Variants in COL6A2 observed in about 807,000 individuals in gnomAD.
The protein encoded by COL6A2 is collagen alpha-2(VI) chain.
A neutral mutation model predicts 124.9 loss-of-function variants in COL6A2; 90 were observed. That is an observed-to-expected ratio of 0.72 (90% CI 0.61 to 0.86). The LOEUF (loss-of-function observed/expected upper bound fraction) is 0.86. Among genes scored for constraint, COL6A2 ranks in the 40% least tolerant of loss-of-function variants. The pLI, the probability that COL6A2 is intolerant of heterozygous loss-of-function variation, is 0.00. For missense variants in COL6A2, 1,607 were observed against 1,502.5 expected, an observed-to-expected ratio of 1.07 and a Z score of -1.15; for synonymous variants, 793 against 618.2, an observed-to-expected ratio of 1.28 and a Z score of -4.19.
At chr21:46,130,323 C>T (rs2123682682) in intron 27 of COL6A2, among the ~76,000 whole-genome samples, 1 of 152,338 alleles carries the variant, frequency 6.6e-6, no homozygotes, top group East Asian at 1.9e-4. Flanking sequence ...CAGAGAATCC[C>T]AGGGTCCACA....
At chr21:46,105,580 GGGTT>G (rs1013592175) in intron 1 of COL6A2, among the ~76,000 whole-genome samples, 4 of 152,134 alleles carry the variant, frequency 2.6e-5, no homozygotes, top group African/African-American at 9.7e-5. Context: ...ATAACTAAAA[GGGTT>G]GGGGACAGAG....
At position 46,126,100 on chromosome 21, in the gene COL6A2, T is replaced by C. The variant is rs765340743; in HGVS notation, c.2285T>C (p.Met762Thr). 1.9e-6 allele frequency: 3 copies of C among 1,612,788 alleles called. No homozygotes were observed. The highest frequency in any genetic ancestry group is 1.1e-5 in the South Asian group (1 of 91,082). Residue 762 changes from methionine to threonine, a missense_variant, in exon 26 of 28, where the codon ATG (methionine) becomes ACG (threonine). Physicochemically the swap from Met to Thr is moderately conservative, Grantham distance 81. Around this residue, in one of 3 missense-constraint regions of COL6A2, gnomAD observed 1,223 missense variants for 1,052.2 expected, o/e 1.16. Transcript: ENST00000300527. ...VTVTAIGIGD[M>T]FHEKHESENL... ...GTGACGGCCATCGGCATCGGGGACA[T>C]GTTCCACGAGAAGCACGAGAGTGAA... is the stretch of plus-strand genomic sequence containing the variant.
At chr21:46,112,973 A>G (rs1340348346) in intron 4 of COL6A2, 149 bp downstream of exon 4, 1 of 1,019,308 alleles carries the variant, frequency 9.8e-7, no homozygotes, top group Non-Finnish European at 1.5e-6. Context: ...GAGGCCTTGG[A>G]GTCTGGAGAA....
chr21:46,129,651 C>A, intron 27 of COL6A2: 1 of 1,424,908 alleles, frequency 7.0e-7, no homozygotes, highest in Non-Finnish European at 9.1e-7. Context: ...CCAGCCTCTT[C>A]CCATGCTGGT....
chr21:46,130,310 G>A (rs2078744473), intron 27 of COL6A2, among the ~76,000 whole-genome samples: 2 of 152,262 alleles, frequency 1.3e-5, no homozygotes, highest in South Asian at 4.1e-4. Flanking sequence ...TCAGAGGACT[G>A]AGCAGAGAAT....
rs773192159 is a variant in COL6A2 at position 46,132,582 on chromosome 21, T to C, written c.*30T>C. 1.3e-6 allele frequency: 2 copies of C among 1,561,196 alleles called. No individual in the cohort carries two copies. Among genetic ancestry groups the C allele is most frequent in the Non-Finnish European group, 1.7e-6 (2 of 1,158,196 alleles). On this transcript the variant is annotated 3_prime_UTR_variant, in exon 28 of 28. Transcript: ENST00000300527. ...GCCGCCCGGGCCCCGCAGTCGAGGG[T>C]CGTGAGCCCACCCCGTCCATGGTGC...
intron 26 of COL6A2, 102 bp downstream of exon 26, chr21:46,126,339 A>G (rs556063656): frequency 5.9e-6 from 9 of 1,516,726 alleles, no homozygotes; most frequent in Admixed American, 1.7e-5. Context: ...ATGAATGTGC[A>G]GCCCAGGATC....
chr21:46,129,178 C>G, intron 27 of COL6A2: 1 of 1,612,824 alleles, frequency 6.2e-7, no homozygotes, highest in East Asian at 2.2e-5. Context: ...ACAGTCTTCT[C>G]TGGACGCTCC....
chr21:46,120,493 G>A (rs912198007), intron 15 of COL6A2, 22 bp from the exon 16 acceptor site: 13 of 1,530,148 alleles, frequency 8.5e-6, no homozygotes, highest in Non-Finnish European at 1.1e-5. Context: ...AGACCCGTGG[G>A]GCCTCCCTTC....
At chr21:46,129,957 G>A (rs909468513) in intron 27 of COL6A2, 9 of 605,706 alleles carry the variant, frequency 1.5e-5, no homozygotes, top group Admixed American at 5.9e-5. Context: ...GGTGCTGGAG[G>A]ATGTTCCAGC....
At chr21:46,102,260 C>G (rs1458154180) in intron 1 of COL6A2, among the ~76,000 whole-genome samples, 1 of 151,996 alleles carries the variant, frequency 6.6e-6, no homozygotes, top group Admixed American at 6.6e-5. Flanking sequence ...TGCTATTTTG[C>G]TGAATTTGTT....
At chr21:46,118,876 G>A (rs2078517464) in intron 13 of COL6A2, among the ~76,000 whole-genome samples, 154 bp from the exon 14 acceptor site, 1 of 152,194 alleles carries the variant, frequency 6.6e-6, no homozygotes, top group Non-Finnish European at 1.5e-5. Flanking sequence ...TCACGAGGCT[G>A]AACAAGTTCC....
intron 12 of COL6A2, among the ~76,000 whole-genome samples, chr21:46,118,265 G>A (rs578076460): frequency 1.8e-4 from 28 of 152,222 alleles, no homozygotes; most frequent in South Asian, 6.2e-4. Context: ...CTCCTGGGCC[G>A]CCTGCAGTGT....
At chr21:46,121,487 T>C (rs2123646367) in intron 17 of COL6A2, 69 bp from the exon 18 acceptor site, 3 of 1,480,272 alleles carry the variant, frequency 2.0e-6, no homozygotes, top group Admixed American at 3.4e-5. Context: ...GGACGGGGCA[T>C]GTCAGGTGAC....
chr21:46,116,786 C>G lies in COL6A2; in HGVS notation c.971C>G (p.Ala324Gly), dbSNP rs886043229. 3.1e-6 allele frequency: 5 copies of G among 1,613,054 alleles called. No homozygotes were observed. The South Asian group carries it at 5.5e-5, about 18-fold the overall frequency. Reference sequence around the variant, plus strand: ...TCTCTTCAGGGGGCCCCTGGCCTGGCTGGCAAGAACGGGACCGATGGACAG... The same window carrying G: ...TCTCTTCAGGGGGCCCCTGGCCTGGGTGGCAAGAACGGGACCGATGGACAG... Reference protein sequence around the residue: ...ADGRKGAPGLAGKNGTDGQKG... With the variant: ...ADGRKGAPGLGGKNGTDGQKG... Residue 324 changes from alanine to glycine, a missense_variant, in exon 10 of 28, where the codon GCT becomes GGT. Transcript: ENST00000300527. The surrounding 1 kb of genome is among the most constrained non-coding windows in gnomAD (Gnocchi z 4.6).
At chr21:46,122,444 A>G (rs996347373) in intron 19 of COL6A2, 52 bp from the exon 20 acceptor site, 23 of 1,609,412 alleles carry the variant, frequency 1.4e-5, no homozygotes, top group Admixed American at 8.3e-5. Context: ...AGAGGGAGGA[A>G]GGAGCACTGG....
In COL6A2 at chr21:46,119,058, G is replaced by A; in HGVS notation, c.1208G>A (p.Gly403Glu). 6.2e-7 allele frequency: 1 copy of A among 1,612,254 alleles called. No individual in the cohort carries two copies. Among genetic ancestry groups the A allele is most frequent in the Non-Finnish European group, 8.5e-7 (1 of 1,179,562 alleles). Residue 403 changes from glycine to glutamate, a missense_variant, in exon 14 of 28, where the codon GGA (glycine) becomes GAA (glutamate). Physicochemically the swap from Gly to Glu is moderately conservative, Grantham distance 98. Transcript: ENST00000300527. ...KGYQGNSGAP[G>E]SPGVKGAKGG... ...TATCAAGGCAACAGTGGAGCCCCAG[G>A]AAGTCCTGGTGTGAAAGGAGCCAAG... is the stretch of plus-strand genomic sequence containing the variant.
chr21:46,128,413 C>T (rs916637372), intron 27 of COL6A2, among the ~76,000 whole-genome samples: 1 of 152,242 alleles, frequency 6.6e-6, no homozygotes, highest in East Asian at 1.9e-4. Flanking sequence ...AGTGTTAAAT[C>T]GGCTTTCACC....
In COL6A2 at chr21:46,111,973, C is replaced by T. The variant is rs761805565; in HGVS notation, c.116-6C>T. ...GCTGGCTCGTGACAGGTCCTGTGCCCCACAGAGAAGACCGACTGCCCCATC... is the reference window on the plus strand; with the variant it reads ...GCTGGCTCGTGACAGGTCCTGTGCCTCACAGAGAAGACCGACTGCCCCATC... On this transcript the variant is annotated splice_region_variant and splice_polypyrimidine_tract_variant and intron_variant, in intron 2 of 27. Coordinates refer to ENST00000300527, the MANE Select transcript of COL6A2 (RefSeq NM_001849.4). 7.5e-5 allele frequency: 120 copies of T among 1,610,630 alleles called. No homozygotes were observed. Among genetic ancestry groups the T allele is most frequent in the Admixed American group, 2.0e-4 (12 of 60,006 alleles).
Sources: gnomAD v4.1 joint callset for allele counts (sites outside exome capture counted in the v4.1 genomes callset) on GRCh38, gnomAD v4.1.1 for gene constraint, gnomAD v4.1.1 regional missense constraint, Gnocchi (gnomAD v3.1) non-coding constraint, MANE v1.5 for transcripts, NCBI Gene and HGNC (gene_info 2026-07-23, HGNC 2026-07-21) for gene names.